The following R3HDM2 variants were observed in gnomAD, a reference collection of about 807,000 sequenced individuals.
R3HDM2 encodes R3H domain containing 2, also known as R3H domain-containing protein 2.
R3HDM2 carries 38 observed loss-of-function variants against 124.5 expected under a neutral mutation model. That is an observed-to-expected ratio of 0.31 (90% CI 0.24 to 0.40). R3HDM2 has a LOEUF of 0.40. R3HDM2 is among the 10% of genes least tolerant of loss of function. R3HDM2 has a pLI of 1.00. For missense variants in R3HDM2, 869 were observed against 1,236.9 expected, an observed-to-expected ratio of 0.70 and a Z score of 4.46; for synonymous variants, 391 against 448.0, an observed-to-expected ratio of 0.87 and a Z score of 1.61.
chr12:57,370,814 T>A (rs1328855464), intron 2 of R3HDM2, among the ~76,000 whole-genome samples: 1 of 151,832 alleles, frequency 6.6e-6, no homozygotes, highest in Non-Finnish European at 1.5e-5. Flanking sequence ...GTTGACACAG[T>A]CCAAAGAAAC....
intron 2 of R3HDM2, among the ~76,000 whole-genome samples, chr12:57,366,567 G>A (rs901160215): frequency 1.6e-4 from 25 of 152,104 alleles, no homozygotes; most frequent in African/African-American, 5.3e-4. Flanking sequence ...TCCTCATTAC[G>A]GACTGTGTTC....
intron 1 of R3HDM2, among the ~76,000 whole-genome samples, chr12:57,421,184 G>C (rs1356076824): frequency 1.6e-5 from 2 of 124,022 alleles, no homozygotes; most frequent in Non-Finnish European, 3.3e-5. Flanking sequence ...TTTTTTCTGA[G>C]ACAGAGTTTT....
intron 4 of R3HDM2, 100 bp from the exon 5 acceptor site, chr12:57,300,281 C>T: frequency 9.8e-7 from 1 of 1,022,838 alleles, no homozygotes; most frequent in Admixed American, 2.2e-5. Flanking sequence ...TGAAAAGTGT[C>T]CTCTTTGGCT....
chr12:57,418,613 C>G (rs2069884003), intron 1 of R3HDM2, among the ~76,000 whole-genome samples: 1 of 149,556 alleles, frequency 6.7e-6, no homozygotes, highest in Non-Finnish European at 1.5e-5. Flanking sequence ...GGCTGGAGTA[C>G]AGTGGTGCGA....
At chr12:57,357,927 G>A (rs1382364512) in intron 2 of R3HDM2, among the ~76,000 whole-genome samples, 1 of 150,804 alleles carries the variant, frequency 6.6e-6, no homozygotes, top group Non-Finnish European at 1.5e-5. Flanking sequence ...AGAGTGGTTA[G>A]GTTTCCAAAT....
chr12:57,416,464 T>C (rs2069614525), intron 1 of R3HDM2, among the ~76,000 whole-genome samples: 1 of 152,176 alleles, frequency 6.6e-6, no homozygotes, highest in Non-Finnish European at 1.5e-5. Context: ...AATACTTGGC[T>C]GCCCAATAGA....
chr12:57,370,408 G>A lies in R3HDM2; in HGVS notation c.-36+25341C>T, dbSNP rs11172186. ...CACTTTGGGAGGCCCGGGGGGGGGG[G>A]GCGGGGTGGATCACCTGAGGTCGGG... On this transcript the variant is annotated intron_variant, in intron 2 of 23. Transcript: ENST00000402412. Among the ~76,000 whole-genome samples, 61 of 105,196 alleles carry A rather than the reference G, an allele frequency of 5.8e-4. 9 individuals carry two copies. Among genetic ancestry groups the A allele is most frequent in the African/African-American group, 1.8e-3 (54 of 29,720 alleles). The allele number at this position is 105,196 out of a possible 152,430, so 69.0% of individuals were successfully genotyped here.
intron 2 of R3HDM2, among the ~76,000 whole-genome samples, chr12:57,331,251 C>T (rs1172995594): frequency 6.6e-6 from 1 of 152,138 alleles, no homozygotes; most frequent in African/African-American, 2.4e-5. Context: ...TACATCTTTG[C>T]TCAAAATCCC....
At position 57,401,180 on chromosome 12, in the gene R3HDM2, C is replaced by CA. The variant is rs761312612; in HGVS notation, c.-105-5363dup. The stretch of plus-strand genomic sequence containing the variant: ...TCCCATAAAGAAGTGCAGTTCGTCT[C>CA]AAAAAAAAAAAAGAGTGTAGTTCAT... On this transcript the variant is annotated intron_variant, in intron 1 of 23. Transcript: ENST00000402412. 5.9e-3 allele frequency among the ~76,000 whole-genome samples: 828 copies of CA among 140,520 alleles called. 2 individuals are homozygous for CA. Among genetic ancestry groups the CA allele is most frequent in the Non-Finnish European group, 8.5e-3 (544 of 64,120 alleles). 92.2% of individuals were successfully genotyped at this position (140,520 alleles called of 152,430 possible). A position where few individuals can be genotyped will look rare whatever the true frequency, so the allele number is the denominator to read the frequency against.
intron 15 of R3HDM2, 104 bp from the exon 16 acceptor site, chr12:57,269,553 C>T (rs908040318): frequency 1.0e-4 from 151 of 1,501,144 alleles, no homozygotes; most frequent in East Asian, 6.6e-4. Flanking sequence ...AATATGTAAA[C>T]GGAGATATTT....
chr12:57,368,974 TG>T (rs1215747105), intron 2 of R3HDM2, among the ~76,000 whole-genome samples: 1 of 152,106 alleles, frequency 6.6e-6, no homozygotes, highest in Non-Finnish European at 1.5e-5. Flanking sequence ...ATGGCTACGG[TG>T]GGACTAAGAA....
chr12:57,416,305 T>C (rs1284553490), intron 1 of R3HDM2, among the ~76,000 whole-genome samples: 1 of 152,110 alleles, frequency 6.6e-6, no homozygotes, highest in Non-Finnish European at 1.5e-5. Flanking sequence ...AGAACAAACA[T>C]ACAAATGTGG....
At chr12:57,274,735 C>T (rs116665915) in intron 14 of R3HDM2, among the ~76,000 whole-genome samples, 1,751 of 152,148 alleles carry the variant, frequency 0.012, 31 homozygotes, top group African/African-American at 0.04. Flanking sequence ...TTTATTTAAA[C>T]AAAACTTAGG....
chr12:57,366,934 G>A (rs1318789224), intron 2 of R3HDM2, among the ~76,000 whole-genome samples: 6 of 152,052 alleles, frequency 3.9e-5, no homozygotes, highest in Admixed American at 2.0e-4. Flanking sequence ...TGATCCGCCC[G>A]CCTTTGCCTC....
chr12:57,271,753 T>G (rs191945503), intron 14 of R3HDM2, among the ~76,000 whole-genome samples: 335 of 152,326 alleles, frequency 2.2e-3, no homozygotes, highest in Middle Eastern at 6.8e-3. Flanking sequence ...AAATCAGATC[T>G]TCAAAGGATT....
chr12:57,280,423 G>A lies in R3HDM2; in HGVS notation c.1279C>T (p.Gln427Ter). 1 of 1,551,092 alleles carries A rather than the reference G, an allele frequency of 6.4e-7. No homozygotes were observed. The highest frequency in any genetic ancestry group is 8.8e-7 in the Non-Finnish European group (1 of 1,140,760). The change falls in exon 14 of 24, where the codon CAA (glutamine) becomes TAA (stop). Residue 427 changes from glutamine to a stop codon, truncating the protein, a stop_gained. Transcript: ENST00000402412. LOFTEE classifies it high-confidence loss of function. ...GGCGTGGGTGGGAGAGCAGGAAGTT[G>A]CTGCTGCTGCTGCTGCTGTTGCTGC... is the stretch of plus-strand genomic sequence containing the variant. ...AQQQQQQQQQ[Q>*]LPALPPTPQQ...
Position 57,338,060 on chromosome 12 carries a change from T to C in R3HDM2, c.-35-27597A>G, listed in dbSNP as rs559583033. Among the ~76,000 whole-genome samples, 89 of 152,328 alleles carry C rather than the reference T, an allele frequency of 5.8e-4. 1 individual carries two copies. Among genetic ancestry groups the C allele is most frequent in the African/African-American group, 2.1e-3 (86 of 41,564 alleles). On this transcript the variant is annotated intron_variant, in intron 2 of 23. Coordinates refer to ENST00000402412, the MANE Select transcript of R3HDM2 (RefSeq NM_001394031.1). The stretch of plus-strand genomic sequence containing the variant: ...GGCTCACGCCTGTAATCTCAGCTCT[T>C]TGTGAGGCTGAGATGGGCGGATCAC...
At chr12:57,360,366 C>A in intron 2 of R3HDM2, among the ~76,000 whole-genome samples, 1 of 151,740 alleles carries the variant, frequency 6.6e-6, no homozygotes, top group East Asian at 1.9e-4. Flanking sequence ...AGATTTGCAA[C>A]AATTTGAAAA....
At chr12:57,308,407 G>C (rs1421586924) in intron 3 of R3HDM2, among the ~76,000 whole-genome samples, 3 of 151,146 alleles carry the variant, frequency 2.0e-5, no homozygotes, top group African/African-American at 7.3e-5. Flanking sequence ...AAAACCTATA[G>C]ATGGGGCCAG....
Sources: allele counts gnomAD v4.1 joint callset (sites outside exome capture counted in the v4.1 genomes callset), GRCh38; gene constraint gnomAD v4.1.1; transcripts MANE v1.5; gene names NCBI Gene and HGNC (gene_info 2026-07-23, HGNC 2026-07-21).